The following RAF1 variants were observed in gnomAD, a reference collection of about 807,000 sequenced individuals.
The protein encoded by RAF1 is Raf-1 proto-oncogene, serine/threonine kinase, also known as RAF proto-oncogene serine/threonine-protein kinase.
In RAF1, 27 loss-of-function variants were observed where a neutral mutation model predicts 81.1. That is an observed-to-expected ratio of 0.33 (90% CI 0.25 to 0.46). The LOEUF is 0.46. RAF1 is among the 20% of genes least tolerant of loss of function. RAF1 has a pLI of 1.00. For synonymous variants in RAF1, 298 were observed against 294.0 expected (o/e 1.01, Z -0.14); for missense variants, 598 against 826.0 (o/e 0.72, Z 3.38).
intron 1 of RAF1, among the ~76,000 whole-genome samples, chr3:12,644,518 T>G (rs1346500279): frequency 2.0e-5 from 3 of 152,196 alleles, no homozygotes; most frequent in African/African-American, 4.8e-5. Context: ...CTAAAACTTC[T>G]GTCCAAAAGA....
At chr3:12,653,519 T>C (rs2060596581) in intron 1 of RAF1, among the ~76,000 whole-genome samples, 1 of 152,038 alleles carries the variant, frequency 6.6e-6, no homozygotes, top group Non-Finnish European at 1.5e-5. Context: ...GCCGAGCTGG[T>C]GGATTACTTG....
intron 2 of RAF1, among the ~76,000 whole-genome samples, chr3:12,613,224 G>A (rs1456195577): frequency 6.6e-6 from 1 of 152,158 alleles, no homozygotes; most frequent in African/African-American, 2.4e-5. Flanking sequence ...GAAAATTTCA[G>A]AGTTTTGATA....
intron 1 of RAF1, among the ~76,000 whole-genome samples, chr3:12,647,578 A>G (rs1047920280): frequency 2.6e-5 from 4 of 151,420 alleles, no homozygotes; most frequent in Non-Finnish European, 5.9e-5. Flanking sequence ...TGGGCAACAG[A>G]GTGAGACCCT....
intron 5 of RAF1, among the ~76,000 whole-genome samples, chr3:12,606,633 C>G (rs557160437): frequency 1.3e-5 from 2 of 151,998 alleles, no homozygotes; most frequent in African/African-American, 4.8e-5. Flanking sequence ...CTCCACCTCC[C>G]GGGTTCTCCT....
At chr3:12,636,548 G>A (rs904343540) in intron 1 of RAF1, among the ~76,000 whole-genome samples, 6 of 151,806 alleles carry the variant, frequency 4.0e-5, no homozygotes, top group Non-Finnish European at 7.4e-5. Flanking sequence ...GCTCATGCCT[G>A]TAATCCCAGC....
chr3:12,611,142 A>C (rs981246079), intron 3 of RAF1, among the ~76,000 whole-genome samples: 1 of 152,142 alleles, frequency 6.6e-6, no homozygotes, highest in African/African-American at 2.4e-5. Context: ...GTCTCAAAAA[A>C]ACACAGCATC....
chr3:12,599,848 G>GAGTA, intron 10 of RAF1, 40 bp from the exon 10 acceptor site: 1 of 1,469,256 alleles, frequency 6.8e-7, no homozygotes, highest in Non-Finnish European at 9.5e-7. Context: ...CCATGCAATG[G>GAGTA]TAATAATCTT....
At chr3:12,606,362 A>C in intron 5 of RAF1, 63 bp from the exon 6 acceptor site, 1 of 1,290,234 alleles carries the variant, frequency 7.8e-7, no homozygotes, top group Non-Finnish European at 1.1e-6. Context: ...GACAATCAGC[A>C]TGCCTTGCTT....
intron 1 of RAF1, among the ~76,000 whole-genome samples, chr3:12,618,955 G>A (rs552609347): frequency 3.2e-4 from 48 of 152,182 alleles, no homozygotes; most frequent in Non-Finnish European, 3.4e-4. Context: ...AAAAGATTTA[G>A]CAAGCAACTG....
intron 6 of RAF1, among the ~76,000 whole-genome samples, chr3:12,604,501 T>G (rs2648367): frequency 1.3e-5 from 2 of 152,098 alleles, no homozygotes; most frequent in Non-Finnish European, 2.9e-5. Context: ...GGAAATAATA[T>G]ATGTATTGGG....
intron 5 of RAF1, among the ~76,000 whole-genome samples, chr3:12,607,165 G>C (rs942861653): frequency 1.3e-5 from 2 of 152,110 alleles, no homozygotes; most frequent in Admixed American, 6.6e-5. Flanking sequence ...ACAGAAAAGT[G>C]AGTAATTAGG....
chr3:12,589,581 T>TA (rs1400478883), intron 13 of RAF1: 2 of 152,136 alleles, frequency 1.3e-5, no homozygotes, highest in Admixed American at 1.3e-4. Context: ...CTGGGCAACA[T>TA]AGTGAGACCT....
intron 1 of RAF1, among the ~76,000 whole-genome samples, chr3:12,642,513 G>A (rs75876881): frequency 1.3e-5 from 2 of 150,048 alleles, no homozygotes; most frequent in Admixed American, 6.7e-5. Flanking sequence ...CTCCATCTCA[G>A]GAAAAAAAAA....
intron 1 of RAF1, among the ~76,000 whole-genome samples, chr3:12,633,489 A>T (rs1020527213): frequency 1.5e-4 from 15 of 101,204 alleles, no homozygotes; most frequent in Non-Finnish European, 2.4e-4. Flanking sequence ...TCTGGAAATT[A>T]AAAAAAAAAA....
At chr3:12,635,748 C>G (rs956988162) in intron 1 of RAF1, among the ~76,000 whole-genome samples, 1 of 146,780 alleles carries the variant, frequency 6.8e-6, no homozygotes, top group Non-Finnish European at 1.5e-5. Flanking sequence ...CCAAGGTGGG[C>G]GGATCACAAG....
At chr3:12,651,579 A>G (rs1386713786) in intron 1 of RAF1, among the ~76,000 whole-genome samples, 3 of 151,136 alleles carry the variant, frequency 2.0e-5, no homozygotes, top group Non-Finnish European at 4.4e-5. Context: ...GGTTGCAGTG[A>G]GCTGAGATCG....
intron 3 of RAF1, among the ~76,000 whole-genome samples, chr3:12,611,362 G>T (rs1239620036): frequency 6.6e-6 from 1 of 151,944 alleles, no homozygotes; most frequent in East Asian, 1.9e-4. Context: ...GGACTACAGG[G>T]CCGCACCACC....
At chr3:12,640,908 G>T (rs1023242316) in intron 1 of RAF1, among the ~76,000 whole-genome samples, 2 of 152,068 alleles carry the variant, frequency 1.3e-5, no homozygotes, top group African/African-American at 2.4e-5. Flanking sequence ...AAAGACACAT[G>T]CACACATATG....
At chr3:12,624,764 G>T (rs150581761) in intron 1 of RAF1, among the ~76,000 whole-genome samples, 1 of 151,842 alleles carries the variant, frequency 6.6e-6, no homozygotes, top group Admixed American at 6.6e-5. Flanking sequence ...CACTTTGGGA[G>T]ACCAAGGTGG....
Sources: gnomAD v4.1 joint callset for allele counts (sites outside exome capture counted in the v4.1 genomes callset) on GRCh38, gnomAD v4.1.1 for gene constraint, MANE v1.5 for transcripts, NCBI Gene and HGNC (gene_info 2026-07-23, HGNC 2026-07-21) for gene names.